The following EPB41L3 variants were observed in gnomAD, a reference collection of about 807,000 sequenced individuals.
EPB41L3 encodes the protein band 4.1-like protein 3.
A neutral mutation model predicts 127.1 loss-of-function variants in EPB41L3; 57 were observed. The ratio of observed to expected loss-of-function variants is 0.45; its 90% CI spans 0.36 to 0.56. The LOEUF (loss-of-function observed/expected upper bound fraction) is 0.56. EPB41L3 is among the 20% of genes least tolerant of loss of function. The pLI is 0.00. For synonymous variants in EPB41L3, 572 were observed against 549.5 expected, an observed-to-expected ratio of 1.04 and a Z score of -0.57; for missense variants, 1,273 against 1,372.2, an observed-to-expected ratio of 0.93 and a Z score of 1.14.
chr18:5,466,946 T>C (rs941649679), intron 3 of EPB41L3, among the ~76,000 whole-genome samples: 1 of 151,768 alleles, frequency 6.6e-6, no homozygotes, highest in Admixed American at 6.6e-5. Flanking sequence ...CTGAAAATTA[T>C]AACCTGCCTT....
intron 3 of EPB41L3, among the ~76,000 whole-genome samples, chr18:5,561,199 G>T (rs1489684040): frequency 3.3e-5 from 5 of 151,916 alleles, no homozygotes; most frequent in Admixed American, 1.3e-4. Context: ...GGATGGTCAA[G>T]ATCTCCTGAC....
At chr18:5,590,155 T>C (rs369866819) in intron 3 of EPB41L3, among the ~76,000 whole-genome samples, 6 of 152,254 alleles carry the variant, frequency 3.9e-5, no homozygotes, top group Admixed American at 1.3e-4. Context: ...ATCCTGTTCA[T>C]CTCTTTCCCC....
intron 11 of EPB41L3, among the ~76,000 whole-genome samples, chr18:5,420,487 T>C (rs1465309977): frequency 2.6e-5 from 4 of 152,198 alleles, no homozygotes; most frequent in African/African-American, 9.6e-5. Flanking sequence ...AAAAATCAGA[T>C]GGCAATTCCA....
intron 3 of EPB41L3, among the ~76,000 whole-genome samples, chr18:5,469,264 C>A (rs917548781): frequency 9.9e-5 from 15 of 152,154 alleles, no homozygotes; most frequent in Non-Finnish European, 1.5e-5. Flanking sequence ...CTGTGACATC[C>A]TCTTTGGGGG....
chr18:5,505,441 C>T (rs560866322), intron 1 of EPB41L3, among the ~76,000 whole-genome samples: 24 of 152,004 alleles, frequency 1.6e-4, no homozygotes, highest in Non-Finnish European at 3.4e-4. Context: ...CTTCACCAGA[C>T]CTCCACCTAA....
intron 5 of EPB41L3, among the ~76,000 whole-genome samples, chr18:5,443,489 G>T (rs941208578): frequency 4.6e-5 from 7 of 152,194 alleles, no homozygotes; most frequent in African/African-American, 1.7e-4. Context: ...CCTTTTCAAA[G>T]CTATGAAATG....
chr18:5,403,908 AACAT>A (rs1327466325), intron 16 of EPB41L3, among the ~76,000 whole-genome samples: 1 of 152,226 alleles, frequency 6.6e-6, no homozygotes, highest in African/African-American at 2.4e-5. Flanking sequence ...CTATGTGCAT[AACAT>A]ACAAACAATT....
chr18:5,419,818 T>C lies in EPB41L3; in HGVS notation c.1399A>G (p.Thr467Ala). ...TCAGCCTTCTTCTCCGGAGTCACAG[T>C]GGTGATCAAGTTGGTCTGAGAGATG... ...KGISQTNLIT[T>A]VTPEKKAEEE... The change falls in exon 12 of 23, where the codon ACT becomes GCT. Residue 467 changes from threonine to alanine, a missense_variant. By Grantham distance (58) the Thr-to-Ala change is moderately conservative. Transcript: ENST00000341928. The C allele has an allele frequency of 6.2e-7, 1 of 1,614,202 alleles. No homozygotes were observed. Among genetic ancestry groups the C allele is most frequent in the Non-Finnish European group, 8.5e-7 (1 of 1,180,040 alleles).
At position 5,400,803 on chromosome 18, in the gene EPB41L3, A is replaced by T. The variant is rs2074381801; in HGVS notation, c.2350-2660T>A. Reference sequence around the variant, plus strand: ...TGCATAACTGATAACTAAAATATTAAGAAAATTCAATTTTCCCTTCCCCAG... The same window carrying T: ...TGCATAACTGATAACTAAAATATTATGAAAATTCAATTTTCCCTTCCCCAG... On this transcript the variant is annotated intron_variant, in intron 16 of 22. Coordinates refer to ENST00000341928, the MANE Select transcript of EPB41L3 (RefSeq NM_012307.5). 3 of 586,864 alleles carry T rather than the reference A, an allele frequency of 5.1e-6. No individual in the cohort carries two copies. The South Asian group carries it at 6.5e-5, about 13-fold the overall frequency. The allele number at this position is 586,864 out of a possible 1,614,324, so 36.4% of individuals were successfully genotyped here. A position where few individuals can be genotyped will look rare whatever the true frequency, so the allele number is the denominator to read the frequency against.
At chr18:5,420,836 T>C (rs570512654) in intron 11 of EPB41L3, among the ~76,000 whole-genome samples, 73 of 152,338 alleles carry the variant, frequency 4.8e-4, no homozygotes, top group African/African-American at 1.6e-3. Context: ...ATTTTAGGAA[T>C]TTAAAAACGT....
intron 3 of EPB41L3, among the ~76,000 whole-genome samples, chr18:5,551,952 CTT>C (rs1335301240): frequency 6.6e-6 from 1 of 152,140 alleles, no homozygotes; most frequent in African/African-American, 2.4e-5. Context: ...CCCCAAGTGA[CTT>C]TTAGGAGTAA....
intron 1 of EPB41L3, among the ~76,000 whole-genome samples, chr18:5,532,697 A>C (rs2093448672): frequency 1.3e-5 from 2 of 152,122 alleles, no homozygotes; most frequent in African/African-American, 4.8e-5. Context: ...GAATATTTGG[A>C]GAAGAGATCA....
rs55687929 is a variant in EPB41L3, at chr18:5,554,002, G to A, written c.-306+58338C>T. On this transcript the variant is annotated intron_variant, in intron 3 of 21. Coordinates refer to the EPB41L3 transcript ENST00000545076. ...TCACACAACCAGGTGCACTCTCACCGTCAGCTTTGGAATCAGCTCTTCTCT... is the reference window on the plus strand; with the variant it reads ...TCACACAACCAGGTGCACTCTCACCATCAGCTTTGGAATCAGCTCTTCTCT... Among the ~76,000 whole-genome samples, 1,218 of 152,254 alleles carry A rather than the reference G, an allele frequency of 8.0e-3. 9 individuals carry two copies. Among genetic ancestry groups the A allele is most frequent in the Non-Finnish European group, 8.7e-3 (590 of 68,008 alleles).
At chr18:5,453,361 G>A (rs1256356482) in intron 3 of EPB41L3, among the ~76,000 whole-genome samples, 1 of 152,152 alleles carries the variant, frequency 6.6e-6, no homozygotes, top group Non-Finnish European at 1.5e-5. Flanking sequence ...CATGAGAACT[G>A]GAGCTAAGCA....
chr18:5,527,623 T>C (rs560805941), intron 1 of EPB41L3, among the ~76,000 whole-genome samples: 7 of 152,144 alleles, frequency 4.6e-5, no homozygotes, highest in African/African-American at 1.2e-4. Flanking sequence ...TGTAGTGATA[T>C]GAAGAAAAGT....
intron 1 of EPB41L3, among the ~76,000 whole-genome samples, chr18:5,515,740 C>A (rs550892046): frequency 1.3e-5 from 2 of 152,270 alleles, no homozygotes; most frequent in South Asian, 2.1e-4. Flanking sequence ...AAGCAGCAAG[C>A]TTTAAATTGG....
chr18:5,398,277 T>C, intron 16 of EPB41L3, 134 bp from the exon 17 acceptor site: 1 of 1,026,696 alleles, frequency 9.7e-7, no homozygotes, highest in Non-Finnish European at 1.4e-6. Context: ...AATCTCAGAG[T>C]TTGGAAACGA....
chr18:5,400,929 A>C (rs1289836653), intron 16 of EPB41L3: 7 of 1,316,636 alleles, frequency 5.3e-6, no homozygotes, highest in Non-Finnish European at 6.3e-6. Flanking sequence ...AAGTCTGAAG[A>C]CCAATTTCTT....
At chr18:5,529,390 G>A (rs1350951808) in intron 1 of EPB41L3, among the ~76,000 whole-genome samples, 1 of 151,838 alleles carries the variant, frequency 6.6e-6, no homozygotes, top group Non-Finnish European at 1.5e-5. Context: ...GTTTCTTCCT[G>A]AGCACCAGGT....
Sources: gnomAD v4.1 joint callset for allele counts (sites outside exome capture counted in the v4.1 genomes callset) on GRCh38, gnomAD v4.1.1 for gene constraint, MANE v1.5 for transcripts, NCBI Gene and HGNC (gene_info 2026-07-23, HGNC 2026-07-21) for gene names.